MACROD2: variants seen among roughly 807,000 people sequenced by gnomAD.
MACROD2 encodes mono-ADP ribosylhydrolase 2, also known as ADP-ribose glycohydrolase MACROD2.
Under a neutral mutation model 70.4 loss-of-function variants are expected in MACROD2, and 36 were observed. That is an observed-to-expected ratio of 0.51 (90% CI 0.39 to 0.68). The LOEUF is 0.68. MACROD2 is among the 30% of genes least tolerant of loss of function. The pLI, the probability that MACROD2 is intolerant of heterozygous loss-of-function variation, is 0.00. For missense variants in MACROD2, 496 were observed against 538.4 expected, an observed-to-expected ratio of 0.92 and a Z score of 0.78; for synonymous variants, 172 against 178.8, an observed-to-expected ratio of 0.96 and a Z score of 0.30.
chr20:15,279,178 T>TGGGGCTTCTTGCAGGGTGTAG (rs2077421058), intron 6 of MACROD2, among the ~76,000 whole-genome samples: 1 of 152,214 alleles, frequency 6.6e-6, no homozygotes, highest in African/African-American at 2.4e-5. Flanking sequence ...GGCTTACATA[T>TGGGGCTTCTTGCAGGGTGTAG]GGGGCTTCTT....
chr20:14,813,177 C>CT (rs1052659502), intron 5 of MACROD2, among the ~76,000 whole-genome samples: 6 of 151,068 alleles, frequency 4.0e-5, no homozygotes, highest in African/African-American at 1.5e-4. Context: ...TTAATAATTT[C>CT]TTTTTTTTAA....
intron 8 of MACROD2, among the ~76,000 whole-genome samples, chr20:15,795,643 C>T (rs1341212499): frequency 4.6e-5 from 7 of 151,998 alleles, no homozygotes; most frequent in South Asian, 2.1e-4. Flanking sequence ...TCTGTAGTCC[C>T]GATTTATTAA....
At chr20:15,532,444 C>G (rs62195567) in intron 8 of MACROD2, among the ~76,000 whole-genome samples, 1 of 151,862 alleles carries the variant, frequency 6.6e-6, no homozygotes, top group Non-Finnish European at 1.5e-5. Context: ...AAATATTTTG[C>G]AAGTTTTAGC....
intron 4 of MACROD2, among the ~76,000 whole-genome samples, chr20:14,625,901 C>G (rs1600473228): frequency 1.3e-5 from 2 of 152,184 alleles, no homozygotes; most frequent in East Asian, 3.9e-4. Flanking sequence ...CAGCTCATTG[C>G]AACCTCCAAC....
intron 5 of MACROD2, among the ~76,000 whole-genome samples, chr20:14,777,955 G>C (rs1007317916): frequency 2.0e-5 from 3 of 152,028 alleles, no homozygotes; most frequent in Admixed American, 6.5e-5. Flanking sequence ...CCACAAACCA[G>C]CAGGAAGAAG....
chr20:15,499,631 C>T, intron 7 of MACROD2, 143 bp from the exon 8 acceptor site: 1 of 665,810 alleles, frequency 1.5e-6, no homozygotes, highest in Non-Finnish European at 2.7e-6. Flanking sequence ...GGCTTCATAT[C>T]CATGTACATC....
chr20:14,966,174 A>C (rs996959596), intron 5 of MACROD2, among the ~76,000 whole-genome samples: 5 of 152,206 alleles, frequency 3.3e-5, no homozygotes, highest in African/African-American at 1.2e-4. Context: ...GAATTATTTT[A>C]GATGTTATCT....
At chr20:14,088,223 G>A (rs1398593033) in intron 3 of MACROD2, among the ~76,000 whole-genome samples, 1 of 151,468 alleles carries the variant, frequency 6.6e-6, no homozygotes, top group Admixed American at 6.6e-5. Flanking sequence ...CCAGCTACTC[G>A]GGAGGCTGAG....
At chr20:15,701,904 G>A (rs895214076) in intron 8 of MACROD2, among the ~76,000 whole-genome samples, 12 of 152,162 alleles carry the variant, frequency 7.9e-5, no homozygotes, top group Admixed American at 3.3e-4. Flanking sequence ...TTATAACTGA[G>A]AACATGTGGT....
chr20:15,783,725 C>T (rs1009323153), intron 8 of MACROD2, among the ~76,000 whole-genome samples: 7 of 152,120 alleles, frequency 4.6e-5, no homozygotes, highest in Non-Finnish European at 8.8e-5. Flanking sequence ...CAAGTGATGC[C>T]ATAACTGGAG....
intron 5 of MACROD2, among the ~76,000 whole-genome samples, chr20:15,129,721 C>G (rs1192476984): frequency 6.6e-6 from 1 of 152,082 alleles, no homozygotes; most frequent in African/African-American, 2.4e-5. Context: ...TGCTTCTTTG[C>G]TTGTAACTTT....
chr20:15,962,972 G>A (rs775635056), intron 12 of MACROD2, among the ~76,000 whole-genome samples: 5 of 152,156 alleles, frequency 3.3e-5, no homozygotes, highest in African/African-American at 4.8e-5. Context: ...AAGAGTAGCC[G>A]CTGCAAAGTT....
Position 15,272,048 on chromosome 20 carries a change from A to G in MACROD2, c.540+41987A>G, listed in dbSNP as rs545034792. On this transcript the variant is annotated intron_variant, in intron 6 of 17. Coordinates refer to ENST00000684519, the MANE Select transcript of MACROD2 (RefSeq NM_001351661.2). ...AACACATGCTTGAGAACTCAATCCT[A>G]TTAACACAATTTTTTCAGTAGTGGT... Among the ~76,000 whole-genome samples, 14 of 152,344 alleles carry G rather than the reference A, an allele frequency of 9.2e-5. No individual in the cohort carries two copies. In the South Asian group the frequency reaches 2.9e-3, roughly 32 times the overall value.
intron 5 of MACROD2, among the ~76,000 whole-genome samples, chr20:15,047,358 C>T (rs745569141): frequency 8.5e-5 from 13 of 152,092 alleles, no homozygotes; most frequent in Non-Finnish European, 1.5e-4. Context: ...AGTGTTTCCT[C>T]CTACCTACTG....
intron 5 of MACROD2, among the ~76,000 whole-genome samples, chr20:15,105,920 G>A (rs1470162086): frequency 6.6e-6 from 1 of 152,074 alleles, no homozygotes; most frequent in Non-Finnish European, 1.5e-5. Context: ...ATGGGGTTCT[G>A]TACATTTCAG....
intron 7 of MACROD2, among the ~76,000 whole-genome samples, chr20:15,485,747 G>A (rs2047155580): frequency 1.3e-5 from 2 of 152,156 alleles, no homozygotes; most frequent in Non-Finnish European, 2.9e-5. Context: ...AGAGGAATGA[G>A]CCAGGTTCTG....
intron 6 of MACROD2, among the ~76,000 whole-genome samples, chr20:15,326,377 C>G (rs1311246046): frequency 3.3e-5 from 5 of 151,940 alleles, no homozygotes. Context: ...AATACTAAAG[C>G]ATTACATTTT....
intron 2 of MACROD2, among the ~76,000 whole-genome samples, chr20:14,050,915 C>T (rs576920360): frequency 1.4e-4 from 22 of 152,146 alleles, no homozygotes; most frequent in East Asian, 3.9e-4. Context: ...ACATGGGGCA[C>T]GGAACCAGGT....
chr20:14,977,064 A>G (rs566756261), intron 5 of MACROD2, among the ~76,000 whole-genome samples: 34 of 152,282 alleles, frequency 2.2e-4, no homozygotes, highest in African/African-American at 7.9e-4. Flanking sequence ...ATAGAAGAAA[A>G]TGCAAAAACA....
Sources: allele counts gnomAD v4.1 joint callset (sites outside exome capture counted in the v4.1 genomes callset), GRCh38; gene constraint gnomAD v4.1.1; transcripts MANE v1.5; gene names NCBI Gene and HGNC (gene_info 2026-07-23, HGNC 2026-07-21).